Variants in ZSWIM7 observed in about 807,000 individuals in gnomAD.
ZSWIM7 encodes the protein zinc finger SWIM-type containing 7, also known as zinc finger SWIM domain-containing protein 7.
ZSWIM7 carries 22 observed loss-of-function variants against 21.1 expected under a neutral mutation model. That is an observed-to-expected ratio of 1.04 (90% CI 0.74 to 1.49). The LOEUF (loss-of-function observed/expected upper bound fraction) is 1.49. Ranked by LOEUF, ZSWIM7 falls within the 40% of genes most tolerant of loss-of-function variation. The pLI is 0.00. For missense variants in ZSWIM7, 193 were observed against 168.0 expected, an observed-to-expected ratio of 1.15 and a Z score of -0.82; for synonymous variants, 67 against 66.5, an observed-to-expected ratio of 1.01 and a Z score of -0.04.
intron 4 of ZSWIM7, 127 bp downstream of exon 4, chr17:15,980,913 A>G (rs2286796): frequency 0.57 from 354,115 of 617,924 alleles, 104,911 homozygotes; most frequent in African/African-American, 0.7. Context: ...CTGAAGACAA[A>G]GACAAAAAAC....
chr17:15,980,043 C>T (rs1269507952), intron 4 of ZSWIM7, among the ~76,000 whole-genome samples: 15 of 147,012 alleles, frequency 1.0e-4, no homozygotes, highest in African/African-American at 3.5e-4. Context: ...GGCTGACCCC[C>T]CCACCTCCCT....
In ZSWIM7 at chr17:15,988,740, C is replaced by T. The variant is rs114966385; in HGVS notation, c.99-1372G>A. Among the ~76,000 whole-genome samples the T allele has an allele frequency of 9.4e-3, 1,430 of 152,232 alleles. 27 individuals carry two copies. The highest frequency in any genetic ancestry group is 0.032 in the African/African-American group (1,331 of 41,520). On this transcript the variant is annotated intron_variant, in intron 2 of 4. Transcript: ENST00000399277. ...GTATAAGACTTCTATTTTCTCAGGC[C>T]GGGCGCGGTGGCTCATACCTGTAAT...
chr17:15,995,839 C>CCCACTGTGT (rs1970546927), intron 1 of ZSWIM7, among the ~76,000 whole-genome samples: 1 of 151,610 alleles, frequency 6.6e-6, no homozygotes, highest in South Asian at 2.1e-4. Context: ...CTTGAAAGGG[C>CCCACTGTGT]CCACTGTGTG....
chr17:15,999,406 G>A, intron 1 of ZSWIM7, 113 bp downstream of exon 1: 6 of 1,335,304 alleles, frequency 4.5e-6, no homozygotes, highest in Non-Finnish European at 6.2e-6. Context: ...AGAACCACAT[G>A]GAAAAAAGGC....
intron 1 of ZSWIM7, among the ~76,000 whole-genome samples, chr17:15,994,319 C>T (rs1165605586): frequency 6.6e-6 from 1 of 152,170 alleles, no homozygotes; most frequent in Non-Finnish European, 1.5e-5. Context: ...AGCCATGATA[C>T]ATTGGAAGCT....
Position 15,987,464 on chromosome 17 carries a change from A to G in ZSWIM7, c.99-96T>C. 4 of 1,067,270 alleles carry G rather than the reference A, an allele frequency of 3.7e-6. No homozygotes were observed. In the South Asian group the frequency reaches 4.5e-5, roughly 12 times the overall value. 66.1% of individuals were successfully genotyped at this position (1,067,270 alleles called of 1,614,324 possible). ...TCACTAGACTTAGTATTTTTTAAAAATTCATTTTAATTTTGAAAAAAGGAA... is the reference window on the plus strand; with the variant it reads ...TCACTAGACTTAGTATTTTTTAAAAGTTCATTTTAATTTTGAAAAAAGGAA... On this transcript the variant is annotated intron_variant, in intron 2 of 4. Transcript: ENST00000399277.
At chr17:15,992,417 A>C (rs1052681908) in intron 2 of ZSWIM7, among the ~76,000 whole-genome samples, 3 of 140,994 alleles carry the variant, frequency 2.1e-5, no homozygotes, top group African/African-American at 7.9e-5. Flanking sequence ...TTTCTTTTTC[A>C]TGTGTTAGTT....
At chr17:15,993,616 T>G in intron 2 of ZSWIM7, 141 bp downstream of exon 2, 1 of 603,312 alleles carries the variant, frequency 1.7e-6, no homozygotes, top group Non-Finnish European at 3.0e-6. Context: ...TCCACTCACC[T>G]TGGCCTCCCA....
chr17:15,992,228 G>C (rs1266808786), intron 2 of ZSWIM7, among the ~76,000 whole-genome samples: 1 of 151,804 alleles, frequency 6.6e-6, no homozygotes, highest in African/African-American at 2.4e-5. Flanking sequence ...CACCTGGCCA[G>C]GATTTTTAAA....
intron 1 of ZSWIM7, among the ~76,000 whole-genome samples, chr17:15,998,096 T>A (rs1278146567): frequency 6.7e-6 from 1 of 149,000 alleles, no homozygotes; most frequent in Non-Finnish European, 1.5e-5. Flanking sequence ...CAAGACTCTG[T>A]CTAAAAAAAA....
At chr17:15,982,812 T>A (rs538742307) in intron 3 of ZSWIM7, among the ~76,000 whole-genome samples, 1 of 151,990 alleles carries the variant, frequency 6.6e-6, no homozygotes, top group Admixed American at 6.6e-5. Flanking sequence ...CACCACCCTA[T>A]GCTAATTTTA....
chr17:15,979,272 A>C (rs534609361), intron 4 of ZSWIM7, among the ~76,000 whole-genome samples: 1 of 151,962 alleles, frequency 6.6e-6, no homozygotes, highest in Admixed American at 6.5e-5. Context: ...CTGAGTGGAC[A>C]CAGCACATGT....
intron 2 of ZSWIM7, among the ~76,000 whole-genome samples, chr17:15,988,314 T>A (rs1015246534): frequency 1.3e-5 from 2 of 152,198 alleles, no homozygotes; most frequent in Non-Finnish European, 2.9e-5. Context: ...ATTTTTACTT[T>A]ACCTTTGAAT....
At chr17:15,988,143 T>C (rs1970438869) in intron 2 of ZSWIM7, among the ~76,000 whole-genome samples, 1 of 152,136 alleles carries the variant, frequency 6.6e-6, no homozygotes, top group South Asian at 2.1e-4. Context: ...ATATATAGTA[T>C]TGTTTTAAAA....
intron 3 of ZSWIM7, among the ~76,000 whole-genome samples, chr17:15,981,703 A>C (rs1056463880): frequency 3.9e-5 from 6 of 152,136 alleles, no homozygotes; most frequent in Admixed American, 2.6e-4. Context: ...GACCCCCCCC[A>C]GAGTTCAAGA....
intron 2 of ZSWIM7, among the ~76,000 whole-genome samples, chr17:15,989,870 G>A (rs2151627103): frequency 6.6e-6 from 1 of 152,146 alleles, no homozygotes; most frequent in East Asian, 1.9e-4. Context: ...AGCCCCAAGC[G>A]ATCCTCATAT....
chr17:15,979,196 G>C (rs893317730), intron 4 of ZSWIM7, among the ~76,000 whole-genome samples: 5 of 151,768 alleles, frequency 3.3e-5, no homozygotes, highest in African/African-American at 4.8e-5. Flanking sequence ...GACTCTTAAC[G>C]AGCATGCTGC....
intron 3 of ZSWIM7, among the ~76,000 whole-genome samples, chr17:15,986,434 C>T (rs1970411718): frequency 6.6e-6 from 1 of 152,118 alleles, no homozygotes; most frequent in African/African-American, 2.4e-5. Flanking sequence ...ACAAATACCA[C>T]ATGATCTCAC....
chr17:15,978,058 G>T lies in ZSWIM7; in HGVS notation c.412C>A (p.Gln138Lys), dbSNP rs1970301141. Reference protein sequence around the residue: ...LTDILLMEKKQEA With the variant: ...LTDILLMEKKKEA ...TCAATCTGTACCTTTTATGCTTCTT[G>T]TTTCTTCTCCATCAATAATATGTCA... The change falls in exon 5 of 5, where the codon CAA becomes AAA. Residue 138 changes from glutamine (Q) to lysine (K), a missense_variant. Physicochemically the swap from Gln to Lys is moderately conservative, Grantham distance 53. Transcript: ENST00000399277. 7 of 1,613,040 alleles carry T rather than the reference G, an allele frequency of 4.3e-6. No homozygotes were observed. The highest frequency in any genetic ancestry group is 5.9e-6 in the Non-Finnish European group (7 of 1,179,098).
Sources: gnomAD v4.1 joint callset for allele counts (sites outside exome capture counted in the v4.1 genomes callset) on GRCh38, gnomAD v4.1.1 for gene constraint, MANE v1.5 for transcripts, NCBI Gene and HGNC (gene_info 2026-07-23, HGNC 2026-07-21) for gene names.